Variants in CCDC73 observed in about 807,000 individuals in gnomAD.
CCDC73 encodes the protein coiled-coil domain containing 73.
In CCDC73, 95 loss-of-function variants were observed where a neutral mutation model predicts 116.5. The ratio of observed to expected loss-of-function variants is 0.82; its 90% CI spans 0.69 to 0.97. The LOEUF is 0.97. Ranked by LOEUF, CCDC73 falls within the 50% of genes least tolerant of loss-of-function variation. CCDC73 has a pLI of 0.00. For synonymous variants in CCDC73, 398 were observed against 401.3 expected, an observed-to-expected ratio of 0.99 and a Z score of 0.10; for missense variants, 1,066 against 1,206.8, an observed-to-expected ratio of 0.88 and a Z score of 1.73.
intron 14 of CCDC73, among the ~76,000 whole-genome samples, chr11:32,618,617 A>G (rs972606039): frequency 1.3e-5 from 2 of 152,146 alleles, no homozygotes; most frequent in African/African-American, 4.8e-5. Flanking sequence ...CAGTGATGCA[A>G]TCTCAGCTCA....
At chr11:32,759,405 A>G (rs1201348714) in intron 2 of CCDC73, among the ~76,000 whole-genome samples, 2 of 141,536 alleles carry the variant, frequency 1.4e-5, no homozygotes, top group Non-Finnish European at 3.0e-5. Flanking sequence ...ATCTTGGCTC[A>G]CTGCAACCTC....
At chr11:32,813,776 A>AT in the CCDC73 span, among the ~76,000 whole-genome samples, 1 of 152,344 alleles carries the variant, frequency 6.6e-6, no homozygotes, top group Admixed American at 6.5e-5. Context: ...TTAGTCTAAT[A>AT]TCACACCATC....
chr11:32,657,784 T>G (rs1855886901), intron 9 of CCDC73, among the ~76,000 whole-genome samples: 1 of 152,118 alleles, frequency 6.6e-6, no homozygotes, highest in East Asian at 1.9e-4. Context: ...GAGGATTGCT[T>G]GAAGCCAAGA....
intron 3 of CCDC73, among the ~76,000 whole-genome samples, chr11:32,703,942 C>T (rs1290765007): frequency 1.3e-5 from 2 of 152,204 alleles, no homozygotes; most frequent in Non-Finnish European, 2.9e-5. Context: ...CTCCAGATTT[C>T]TAAATAATAC....
chr11:32,680,440 A>T (rs1856133005), intron 7 of CCDC73: 1 of 152,158 alleles, frequency 6.6e-6, no homozygotes, highest in Non-Finnish European at 1.5e-5. Context: ...AAATGTCAGC[A>T]TTCATTGCTT....
At chr11:32,686,655 T>C (rs567413867) in intron 6 of CCDC73, among the ~76,000 whole-genome samples, 22 of 152,308 alleles carry the variant, frequency 1.4e-4, no homozygotes, top group African/African-American at 4.8e-4. Context: ...TACCACATTA[T>C]TTCAGGCCAC....
chr11:32,647,926 C>G (rs537761176), intron 12 of CCDC73, among the ~76,000 whole-genome samples: 42 of 152,076 alleles, frequency 2.8e-4, no homozygotes, highest in Non-Finnish European at 5.6e-4. Context: ...GTTTAACAAC[C>G]AGTTCACAAA....
intron 13 of CCDC73, among the ~76,000 whole-genome samples, chr11:32,639,161 C>CA (rs1226187481): frequency 6.7e-6 from 1 of 149,814 alleles, no homozygotes; most frequent in Non-Finnish European, 1.5e-5. Flanking sequence ...CGACACCCCC[C>CA]CCAAAAAATC....
intron 2 of CCDC73, among the ~76,000 whole-genome samples, chr11:32,719,645 A>G (rs1168832985): frequency 6.6e-6 from 1 of 152,228 alleles, no homozygotes; most frequent in African/African-American, 2.4e-5. Context: ...ATTATACTTT[A>G]GGAAGCCCAG....
chr11:32,618,713 C>G (rs571705906), intron 14 of CCDC73, among the ~76,000 whole-genome samples: 1 of 152,120 alleles, frequency 6.6e-6, no homozygotes, highest in South Asian at 2.1e-4. Flanking sequence ...CTGCTGTGCC[C>G]AGATAATTTT....
At chr11:32,725,862 T>A (rs1390825251) in intron 2 of CCDC73, among the ~76,000 whole-genome samples, 2 of 152,138 alleles carry the variant, frequency 1.3e-5, no homozygotes, top group African/African-American at 4.8e-5. Context: ...AACAGGCAGA[T>A]CCACCAGCAG....
intron 3 of CCDC73, among the ~76,000 whole-genome samples, chr11:32,705,515 C>A (rs1030588490): frequency 6.6e-6 from 1 of 152,188 alleles, no homozygotes; most frequent in Non-Finnish European, 1.5e-5. Flanking sequence ...AGCAGCCGGA[C>A]CCCACGCTCA....
rs778510818 is a variant in CCDC73 at position 32,654,940 on chromosome 11, C to G, written c.678G>C (p.Lys226Asn). 1 of 1,602,316 alleles carries G rather than the reference C, an allele frequency of 6.2e-7. No individual in the cohort carries two copies. Among genetic ancestry groups the G allele is most frequent in the South Asian group, 1.1e-5 (1 of 88,110 alleles). The change falls in exon 10 of 18, where the codon AAG (lysine) becomes AAC (asparagine). Residue 226 changes from lysine to asparagine, a missense_variant. Transcript: ENST00000335185. ...ELKKAASDLI[K>N]SKVTCQYKMG... ...TCTTATATTGACATGTGACTTTGGA[C>G]TTTATCAAGTCTGAGGCTGCTTTTT...
At chr11:32,758,554 C>T in intron 2 of CCDC73, 1 of 444,500 alleles carries the variant, frequency 2.2e-6, no homozygotes, top group Non-Finnish European at 4.5e-6. Context: ...CTTTCTTCAT[C>T]AAGGAGCAGA....
chr11:32,645,285 CTTTTTCTTTTT>C (rs1398604205), intron 12 of CCDC73, among the ~76,000 whole-genome samples: 1 of 103,030 alleles, frequency 9.7e-6, no homozygotes, highest in African/African-American at 3.7e-5. Flanking sequence ...TTTTCTTTTT[CTTTTTCTTTTT>C]TTTTTTTTTT....
At chr11:32,746,173 C>G (rs1850236952) in intron 2 of CCDC73, among the ~76,000 whole-genome samples, 1 of 152,110 alleles carries the variant, frequency 6.6e-6, no homozygotes, top group African/African-American at 2.4e-5. Context: ...TTTATTTCTC[C>G]TTCACTTATG....
intron 2 of CCDC73, among the ~76,000 whole-genome samples, chr11:32,722,015 G>A (rs936409983): frequency 5.3e-5 from 8 of 152,036 alleles, no homozygotes; most frequent in African/African-American, 7.2e-5. Context: ...GTTTTTAGCC[G>A]CAAGTAACAA....
chr11:32,732,136 G>C (rs1321200782), intron 2 of CCDC73, among the ~76,000 whole-genome samples: 1 of 152,204 alleles, frequency 6.6e-6, no homozygotes, highest in Non-Finnish European at 1.5e-5. Context: ...AGCTTCAGTA[G>C]CTGATTCGAT....
At chr11:32,819,481 T>TTA in the CCDC73 span, among the ~76,000 whole-genome samples, 1 of 151,252 alleles carries the variant, frequency 6.6e-6, no homozygotes, top group Non-Finnish European at 1.5e-5. Flanking sequence ...TTTTTTTTTT[T>TTA]AAATAGGGTC....
Sources: gnomAD v4.1 joint callset for allele counts (sites outside exome capture counted in the v4.1 genomes callset) on GRCh38, gnomAD v4.1.1 for gene constraint, MANE v1.5 for transcripts, NCBI Gene and HGNC (gene_info 2026-07-23, HGNC 2026-07-21) for gene names.